TMC1: variants seen among roughly 807,000 people sequenced by gnomAD.
The protein encoded by TMC1 is transmembrane channel-like protein 1.
Under a neutral mutation model 105.8 loss-of-function variants are expected in TMC1, and 84 were observed. The observed-to-expected ratio is 0.79, with a 90% CI of 0.67 to 0.95. TMC1 has a LOEUF of 0.95. Ranked by LOEUF, TMC1 falls within the 40% of genes least tolerant of loss-of-function variation. TMC1 has a pLI of 0.00. For missense variants in TMC1, 817 were observed against 914.1 expected (o/e 0.89, Z 1.37); for synonymous variants, 315 against 311.5 (o/e 1.01, Z -0.12).
At chr9:72,794,087 C>G (rs1440771846) in intron 17 of TMC1, among the ~76,000 whole-genome samples, 7 of 152,060 alleles carry the variant, frequency 4.6e-5, no homozygotes. Context: ...ACCCCCACCC[C>G]CCTCCTTGTC....
intron 8 of TMC1, among the ~76,000 whole-genome samples, chr9:72,702,003 G>A (rs944276143): frequency 6.6e-6 from 1 of 152,152 alleles, no homozygotes; most frequent in Non-Finnish European, 1.5e-5. Flanking sequence ...GCATGCTCAT[G>A]TGTCTGTACA....
At chr9:72,604,963 G>A (rs1194671329) in intron 2 of TMC1, among the ~76,000 whole-genome samples, 1 of 152,086 alleles carries the variant, frequency 6.6e-6, no homozygotes. Flanking sequence ...ATGTTAAAGG[G>A]AATGTAAAAA....
At chr9:72,547,155 C>T (rs757247044) in intron 1 of TMC1, among the ~76,000 whole-genome samples, 13 of 152,032 alleles carry the variant, frequency 8.6e-5, no homozygotes, top group African/African-American at 1.2e-4. Context: ...GGTGCGTTGG[C>T]GTGCGCCTGT....
At chr9:72,807,647 C>T (rs1427626206) in intron 18 of TMC1, among the ~76,000 whole-genome samples, 1 of 152,180 alleles carries the variant, frequency 6.6e-6, no homozygotes, top group Non-Finnish European at 1.5e-5. Context: ...TTCTACTAAA[C>T]TCCTGGATAC....
chr9:72,537,072 C>T (rs1280512441), intron 1 of TMC1, among the ~76,000 whole-genome samples: 5 of 152,186 alleles, frequency 3.3e-5, no homozygotes. Flanking sequence ...CACTTACACC[C>T]ACCTAAGCAG....
chr9:72,784,489 G>T (rs1167666526), intron 13 of TMC1, among the ~76,000 whole-genome samples: 1 of 152,192 alleles, frequency 6.6e-6, no homozygotes, highest in East Asian at 1.9e-4. Flanking sequence ...GATGCTGTTG[G>T]TGGGAATGTA....
At chr9:72,648,754 AT>A in intron 5 of TMC1, 90 bp downstream of exon 5, 1 of 1,208,254 alleles carries the variant, frequency 8.3e-7, no homozygotes, top group Non-Finnish European at 1.2e-6. Context: ...TTGTTTTACA[AT>A]TTTTGTTCCC....
intron 1 of TMC1, among the ~76,000 whole-genome samples, chr9:72,555,583 A>G (rs1228818560): frequency 6.6e-6 from 1 of 152,040 alleles, no homozygotes; most frequent in African/African-American, 2.4e-5. Context: ...TAAGTGGAAT[A>G]TGTTAGTAAC....
chr9:72,573,751 C>T (rs575338766), intron 1 of TMC1, among the ~76,000 whole-genome samples: 1 of 152,264 alleles, frequency 6.6e-6, no homozygotes, highest in Non-Finnish European at 1.5e-5. Flanking sequence ...CAAATGTTTT[C>T]TTTTGAGAAC....
At chr9:72,560,061 T>C (rs1824018435) in intron 1 of TMC1, among the ~76,000 whole-genome samples, 1 of 152,206 alleles carries the variant, frequency 6.6e-6, no homozygotes, top group Non-Finnish European at 1.5e-5. Context: ...GGAAAATGAA[T>C]AATAGTTGCG....
At chr9:72,575,120 G>A (rs1824357353) in intron 1 of TMC1, among the ~76,000 whole-genome samples, 3 of 152,286 alleles carry the variant, frequency 2.0e-5, no homozygotes, top group Middle Eastern at 6.8e-3. Context: ...TAAGATGCTT[G>A]TACAAAGGGT....
intron 2 of TMC1, among the ~76,000 whole-genome samples, chr9:72,584,620 A>G (rs1712736969): frequency 6.6e-6 from 1 of 151,990 alleles, no homozygotes; most frequent in Non-Finnish European, 1.5e-5. Flanking sequence ...ACCATAAGTA[A>G]TAAACAATAG....
intron 2 of TMC1, among the ~76,000 whole-genome samples, chr9:72,603,654 A>G (rs569140628): frequency 6.6e-6 from 1 of 152,056 alleles, no homozygotes; most frequent in East Asian, 1.9e-4. Context: ...GGTTCAAGCA[A>G]TTCTCCTGCC....
chr9:72,775,879 G>A (rs1827997761), intron 13 of TMC1, among the ~76,000 whole-genome samples: 1 of 152,116 alleles, frequency 6.6e-6, no homozygotes, highest in African/African-American at 2.4e-5. Flanking sequence ...AGATGGGGAG[G>A]TGCTGGGCTC....
chr9:72,831,440 T>TA (rs1385409031), intron 23 of TMC1, among the ~76,000 whole-genome samples: 1 of 151,776 alleles, frequency 6.6e-6, no homozygotes, highest in Non-Finnish European at 1.5e-5. Flanking sequence ...TATATATATA[T>TA]ATATTTTTTA....
chr9:72,658,399 C>T (rs1825916531), intron 5 of TMC1, among the ~76,000 whole-genome samples: 1 of 151,532 alleles, frequency 6.6e-6, no homozygotes, highest in South Asian at 2.1e-4. Flanking sequence ...GTCTATCTTA[C>T]TCATCTACAA....
At chr9:72,769,346 G>C (rs536752158) in intron 12 of TMC1, among the ~76,000 whole-genome samples, 8 of 152,328 alleles carry the variant, frequency 5.3e-5, no homozygotes, top group Non-Finnish European at 2.9e-5. Context: ...GACCAGTGAA[G>C]GTCAACATGC....
chr9:72,575,852 A>G (rs909473114), intron 1 of TMC1, among the ~76,000 whole-genome samples: 17 of 152,138 alleles, frequency 1.1e-4, no homozygotes, highest in Admixed American at 1.1e-3. Flanking sequence ...GCTGCAGAAC[A>G]CAAGTTTCTG....
At position 72,836,220 on chromosome 9, in the gene TMC1, C is replaced by CTTTT; in HGVS notation, c.*259_*262dup. The CTTTT allele has an allele frequency of 6.8e-6, 3 of 439,962 alleles. No individual in the cohort carries two copies. Among genetic ancestry groups the CTTTT allele is most frequent in the South Asian group, 3.3e-5 (1 of 29,938 alleles). The allele number at this position is 439,962 out of a possible 1,614,324, so 27.3% of individuals were successfully genotyped here. On this transcript the variant is annotated 3_prime_UTR_variant, in exon 24 of 24. Coordinates refer to ENST00000297784, the MANE Select transcript of TMC1 (RefSeq NM_138691.3). ...CTCTCTCCCCTGCTCCATTTCGTGACTTTTTTTTTTTTTTTAACAAATTGA... is the reference window on the plus strand; with the variant it reads ...CTCTCTCCCCTGCTCCATTTCGTGACTTTTTTTTTTTTTTTTTTTAACAAATTGA...
Sources: allele counts gnomAD v4.1 joint callset (sites outside exome capture counted in the v4.1 genomes callset), GRCh38; gene constraint gnomAD v4.1.1; transcripts MANE v1.5; gene names NCBI Gene and HGNC (gene_info 2026-07-23, HGNC 2026-07-21).